The following COMMD1 variants were observed in gnomAD, a reference collection of about 807,000 sequenced individuals.
COMMD1 encodes the protein copper metabolism domain containing 1.
A neutral mutation model predicts 17.2 loss-of-function variants in COMMD1; 10 were observed. The observed-to-expected ratio is 0.58, with a 90% CI of 0.36 to 0.99. The LOEUF (loss-of-function observed/expected upper bound fraction) is 0.99, where lower values mean the gene tolerates loss of function less well. Ranked by LOEUF, COMMD1 falls within the 50% of genes least tolerant of loss-of-function variation. The pLI is 0.01. For synonymous variants in COMMD1, 97 were observed against 91.6 expected, an observed-to-expected ratio of 1.06 and a Z score of -0.34; for missense variants, 270 against 231.8, an observed-to-expected ratio of 1.17 and a Z score of -1.07.
At chr2:61,986,052 A>G (rs148470828) in intron 1 of COMMD1, among the ~76,000 whole-genome samples, 1 of 152,306 alleles carries the variant, frequency 6.6e-6, no homozygotes, top group Non-Finnish European at 1.5e-5. Flanking sequence ...TTCTTGTAGG[A>G]CAGGTCTGGT....
intron 2 of COMMD1, among the ~76,000 whole-genome samples, chr2:62,002,969 A>G (rs1668995111): frequency 6.6e-6 from 1 of 152,122 alleles, no homozygotes. Context: ...ACAGTGGCTC[A>G]CGCCTGTAAT....
rs183271251 is a variant in COMMD1 at position 62,135,996 on chromosome 2, C to T, written c.*55C>T. 214 of 889,936 alleles carry T rather than the reference C, an allele frequency of 2.4e-4. 2 individuals are homozygous for T. The East Asian group carries it at 5.1e-3, about 21-fold the overall frequency. 55.1% of individuals were successfully genotyped at this position (889,936 alleles called of 1,614,324 possible). ...GAAACCAAGGTGTCCATGATCCCTC[C>T]CCACTGACCTTTTCTAAGAAAATTC... On this transcript the variant is annotated 3_prime_UTR_variant, in exon 3 of 3. Transcript: ENST00000311832.
At chr2:62,111,517 A>G (rs920401709) in intron 2 of COMMD1, among the ~76,000 whole-genome samples, 2 of 152,200 alleles carry the variant, frequency 1.3e-5, no homozygotes, top group African/African-American at 2.4e-5. Context: ...TCTGTATAGC[A>G]TTCCTTCCTC....
At chr2:62,078,552 C>CAAAAA (rs34983790) in intron 2 of COMMD1, among the ~76,000 whole-genome samples, 1 of 86,898 alleles carries the variant, frequency 1.2e-5, no homozygotes, top group African/African-American at 4.3e-5. Context: ...GACTCCGTCT[C>CAAAAA]AAAAAAAAAA....
intron 2 of COMMD1, among the ~76,000 whole-genome samples, chr2:62,103,245 G>A (rs1161530781): frequency 6.6e-6 from 1 of 152,074 alleles, no homozygotes; most frequent in Non-Finnish European, 1.5e-5. Flanking sequence ...CAAAGTGCTG[G>A]GATTACAGGC....
chr2:61,933,097 A>C (rs1670511504), intron 1 of COMMD1, among the ~76,000 whole-genome samples: 1 of 152,070 alleles, frequency 6.6e-6, no homozygotes, highest in Admixed American at 6.6e-5. Flanking sequence ...TGTGGGAAGA[A>C]GGTGATGTTT....
At chr2:62,085,221 A>ATTTTT (rs36006181) in intron 2 of COMMD1, among the ~76,000 whole-genome samples, 5 of 144,414 alleles carry the variant, frequency 3.5e-5, no homozygotes, top group African/African-American at 1.3e-4. Flanking sequence ...TACAGTTTGA[A>ATTTTT]TTTTTTTTTT....
chr2:62,016,191 TTTTTC>T lies in COMMD1; in HGVS notation c.462+15224_462+15228del, dbSNP rs1215766136. Among the ~76,000 whole-genome samples, 10 of 150,464 alleles carry T rather than the reference TTTTTC, an allele frequency of 6.6e-5. No individual in the cohort carries two copies. The South Asian group carries it at 1.3e-3, about 19-fold the overall frequency. On this transcript the variant is annotated intron_variant, in intron 2 of 2. Transcript: ENST00000311832. ...TTCTTTCTTTTCTTTTTGTCTCTCT[TTTTTC>T]TTTTCTTTTCTTTTTTTTTTTTTTT...
intron 2 of COMMD1, chr2:62,090,704 A>C (rs1031857496): frequency 2.0e-5 from 3 of 152,132 alleles, no homozygotes; most frequent in African/African-American, 7.2e-5. Context: ...CGTATACCAG[A>C]TGTTATGTCC....
At chr2:62,062,401 T>C (rs1245267582) in intron 2 of COMMD1, among the ~76,000 whole-genome samples, 1 of 151,898 alleles carries the variant, frequency 6.6e-6, no homozygotes, top group Non-Finnish European at 1.5e-5. Context: ...TAATTTTTTG[T>C]ATTTTTAATA....
intron 2 of COMMD1, among the ~76,000 whole-genome samples, chr2:62,014,434 C>T (rs974570059): frequency 6.6e-6 from 1 of 150,422 alleles, no homozygotes; most frequent in Non-Finnish European, 1.5e-5. Context: ...TATGCCACTG[C>T]TCTATTGCCA....
chr2:61,915,751 C>T (rs1177374460), intron 1 of COMMD1: 1 of 450,392 alleles, frequency 2.2e-6, no homozygotes, highest in Non-Finnish European at 4.5e-6. Flanking sequence ...CTCTCTTTAG[C>T]CTCCCAATTG....
chr2:62,134,618 T>C (rs1338303225), intron 2 of COMMD1, among the ~76,000 whole-genome samples: 3 of 147,530 alleles, frequency 2.0e-5, no homozygotes, highest in Non-Finnish European at 3.0e-5. Flanking sequence ...AAAAAAAAAA[T>C]TTTTTTTTTT....
intron 1 of COMMD1, among the ~76,000 whole-genome samples, chr2:61,935,496 C>G (rs1239968375): frequency 6.6e-6 from 1 of 152,002 alleles, no homozygotes; most frequent in African/African-American, 2.4e-5. Flanking sequence ...GGCATGATGG[C>G]AGGTGCCTGT....
At chr2:62,012,639 A>C (rs959154648) in intron 2 of COMMD1, among the ~76,000 whole-genome samples, 2 of 152,022 alleles carry the variant, frequency 1.3e-5, no homozygotes, top group Non-Finnish European at 2.9e-5. Context: ...GATTTAGTAC[A>C]AGTCCCTAGT....
intron 1 of COMMD1, among the ~76,000 whole-genome samples, chr2:61,987,621 C>T (rs1348363955): frequency 6.6e-6 from 1 of 152,222 alleles, no homozygotes; most frequent in Non-Finnish European, 1.5e-5. Flanking sequence ...TGGCACTGTG[C>T]TGGATCAGAC....
intron 2 of COMMD1, among the ~76,000 whole-genome samples, chr2:62,113,094 C>T (rs1672497800): frequency 1.3e-5 from 2 of 151,960 alleles, no homozygotes; most frequent in Admixed American, 6.6e-5. Context: ...GCCTGTAGTC[C>T]CCCTACTTTG....
intron 2 of COMMD1, among the ~76,000 whole-genome samples, chr2:62,110,153 C>A (rs1008783921): frequency 2.6e-5 from 4 of 152,146 alleles, no homozygotes; most frequent in African/African-American, 7.2e-5. Flanking sequence ...CAGCTCACTG[C>A]AGCCTTGACC....
chr2:61,944,837 A>G, intron 1 of COMMD1, among the ~76,000 whole-genome samples: 1 of 151,546 alleles, frequency 6.6e-6, no homozygotes, highest in Non-Finnish European at 1.5e-5. Context: ...GCTTCTCTAG[A>G]TTTTTTTTTG....
Sources: gnomAD v4.1 joint callset for allele counts (sites outside exome capture counted in the v4.1 genomes callset) on GRCh38, gnomAD v4.1.1 for gene constraint, MANE v1.5 for transcripts, NCBI Gene and HGNC (gene_info 2026-07-23, HGNC 2026-07-21) for gene names.